Variants in KDM1A observed in about 807,000 individuals in gnomAD.
The protein encoded by KDM1A is lysine-specific histone demethylase 1A.
A neutral mutation model predicts 109.4 loss-of-function variants in KDM1A; 49 were observed. The ratio of observed to expected loss-of-function variants is 0.45; its 90% confidence interval spans 0.36 to 0.57. KDM1A has a LOEUF of 0.57. Ranked by LOEUF, KDM1A falls within the 20% of genes least tolerant of loss-of-function variation. KDM1A has a pLI of 0.00. For missense variants in KDM1A, 668 were observed against 1,116.6 expected (o/e 0.60, Z 5.73); for synonymous variants, 380 against 415.4 (o/e 0.91, Z 1.04).
At chr1:23,064,575 T>C (rs1307492504) in intron 9 of KDM1A, among the ~76,000 whole-genome samples, 1 of 152,206 alleles carries the variant, frequency 6.6e-6, no homozygotes, top group Non-Finnish European at 1.5e-5. Flanking sequence ...GTAAGATAGG[T>C]GTACAATGTT....
intron 9 of KDM1A, among the ~76,000 whole-genome samples, chr1:23,059,998 C>T (rs1642954473): frequency 6.6e-6 from 1 of 152,190 alleles, no homozygotes; most frequent in Non-Finnish European, 1.5e-5. Flanking sequence ...CTCACTTACT[C>T]CTATCTACCT....
chr1:23,056,993 T>G (rs1449185401), intron 7 of KDM1A, among the ~76,000 whole-genome samples: 1 of 151,898 alleles, frequency 6.6e-6, no homozygotes, highest in African/African-American at 2.4e-5. Flanking sequence ...GGCATGGGGG[T>G]GCACTGGAGA....
At chr1:23,069,880 C>T (rs543370969) in intron 12 of KDM1A, among the ~76,000 whole-genome samples, 2 of 152,340 alleles carry the variant, frequency 1.3e-5, no homozygotes, top group East Asian at 3.9e-4. Flanking sequence ...CTGCAAAGGT[C>T]GCATCAGCTT....
At chr1:23,027,890 A>G (rs1180939528) in intron 1 of KDM1A, among the ~76,000 whole-genome samples, 1 of 152,144 alleles carries the variant, frequency 6.6e-6, no homozygotes, top group East Asian at 1.9e-4. Context: ...TAACACATGA[A>G]TGTGTAATAC....
At position 23,053,781 on chromosome 1, in the gene KDM1A, T is replaced by C. The variant is rs1027201676; in HGVS notation, c.732T>C (p.Asn244=). The C allele has an allele frequency of 6.2e-7, 1 of 1,609,360 alleles. No individual in the cohort carries two copies. The highest frequency in any genetic ancestry group is 8.5e-7 in the Non-Finnish European group (1 of 1,175,862). Reference sequence around the variant, plus strand: ...TGCAGCTGCAGTTGTGGTTGGATAATCCAAAGATTCAGCTGACATTTGAGG... The same window carrying C: ...TGCAGCTGCAGTTGTGGTTGGATAACCCAAAGATTCAGCTGACATTTGAGG... ...RNRTLQLWLD[N]PKIQLTFEAT... is the part of the protein sequence containing the mutation. Residue 244 remains asparagine, a synonymous_variant, in exon 5 of 21, where the codon AAT becomes AAC. Transcript: ENST00000400181.
chr1:23,019,965 C>G lies in KDM1A; in HGVS notation c.351+18C>G, dbSNP rs991598718. 11 of 1,504,136 alleles carry G rather than the reference C, an allele frequency of 7.3e-6. No homozygotes were observed. In the East Asian group the frequency reaches 2.5e-4, roughly 34 times the overall value. The allele number at this position is 1,504,136 out of a possible 1,614,324, so 93.2% of individuals were successfully genotyped here. A position where few individuals can be genotyped will look rare whatever the true frequency, so the allele number is the denominator to read the frequency against. ...GGGCGAAGGTAAGGCTCGACCCTTC[C>G]CTCAAACGACACCGCCTGGTGCCGA... On this transcript the variant is annotated intron_variant, in intron 1 of 20. Coordinates refer to ENST00000400181, the MANE Select transcript of KDM1A (RefSeq NM_001009999.3).
intron 12 of KDM1A, among the ~76,000 whole-genome samples, chr1:23,070,371 T>C (rs1643282277): frequency 6.6e-6 from 1 of 151,990 alleles, no homozygotes; most frequent in Non-Finnish European, 1.5e-5. Context: ...CTCAGGAGGC[T>C]GAGGCATGAG....
chr1:23,077,860 C>T (rs1310743601), intron 16 of KDM1A, among the ~76,000 whole-genome samples: 6 of 152,178 alleles, frequency 3.9e-5, no homozygotes, highest in Admixed American at 1.3e-4. Context: ...GGCTAATTCG[C>T]TTACGTTTGG....
At chr1:23,066,603 T>G (rs1643167028) in intron 10 of KDM1A, among the ~76,000 whole-genome samples, 1 of 152,238 alleles carries the variant, frequency 6.6e-6, no homozygotes, top group African/African-American at 2.4e-5. Flanking sequence ...GAGGCATATG[T>G]GATCTAGTAG....
chr1:23,073,414 C>T lies in KDM1A; in HGVS notation c.1734+11C>T, dbSNP rs764688177. ...AAGCACTGGGATCAGGTAAGTTTCCCTTATTGTTTATTTTATTGCACATGC... is the reference window on the plus strand; with the variant it reads ...AAGCACTGGGATCAGGTAAGTTTCCTTTATTGTTTATTTTATTGCACATGC... On this transcript the variant is annotated intron_variant, in intron 15 of 20. Transcript: ENST00000400181. The T allele has an allele frequency of 7.0e-7, 1 of 1,420,436 alleles. No individual in the cohort carries two copies. The highest frequency in any genetic ancestry group is 9.9e-7 in the Non-Finnish European group (1 of 1,005,140). The allele number at this position is 1,420,436 out of a possible 1,614,324, so 88.0% of individuals were successfully genotyped here.
intron 9 of KDM1A, among the ~76,000 whole-genome samples, chr1:23,059,621 C>A (rs1408488288): frequency 6.6e-6 from 1 of 152,136 alleles, no homozygotes; most frequent in Non-Finnish European, 1.5e-5. Flanking sequence ...TACTCACATG[C>A]TTAGATAGGC....
At chr1:23,056,120 T>G in intron 7 of KDM1A, 82 bp downstream of exon 7, 1 of 928,822 alleles carries the variant, frequency 1.1e-6, no homozygotes, top group East Asian at 2.4e-5. Context: ...TAAAGAATTA[T>G]ACAACTTGAA....
chr1:23,020,069 C>G, intron 1 of KDM1A, 122 bp downstream of exon 1: 2 of 1,048,522 alleles, frequency 1.9e-6, no homozygotes, highest in Non-Finnish European at 2.5e-6. Context: ...CCCCTTGTAT[C>G]GCTGCGCACG....
intron 10 of KDM1A, among the ~76,000 whole-genome samples, chr1:23,067,776 G>A (rs1643199021): frequency 6.6e-6 from 1 of 152,304 alleles, no homozygotes; most frequent in South Asian, 2.1e-4. Context: ...TAGCAGAGGG[G>A]TGTTTGTAAA....
At position 23,021,164 on chromosome 1, in the gene KDM1A, A is replaced by T. The variant is rs1641616059; in HGVS notation, c.351+1217A>T. Among the ~76,000 whole-genome samples the T allele has an allele frequency of 2.0e-5, 3 of 152,308 alleles. No individual in the cohort carries two copies. In the South Asian group the frequency reaches 6.2e-4, roughly 32 times the overall value. On this transcript the variant is annotated intron_variant, in intron 1 of 20. Coordinates refer to ENST00000400181, the MANE Select transcript of KDM1A (RefSeq NM_001009999.3). The stretch of plus-strand genomic sequence containing the variant: ...TCATATTTATCTGCCTACTTGAGCC[A>T]ACTCTCTAAAGTATAACCAGTGCTG...
At chr1:23,071,799 AC>A (rs1423593459) in intron 13 of KDM1A, among the ~76,000 whole-genome samples, 1 of 152,192 alleles carries the variant, frequency 6.6e-6, no homozygotes, top group Non-Finnish European at 1.5e-5. Flanking sequence ...TAAAGTGCTT[AC>A]CCAGTGCCAG....
chr1:23,083,082 TA>T, intron 20 of KDM1A, 96 bp from the exon 21 acceptor site: 1 of 1,189,726 alleles, frequency 8.4e-7, no homozygotes, highest in Non-Finnish European at 1.2e-6. Context: ...GGTCAGCCTT[TA>T]AAAAGGTCAA....
intron 2 of KDM1A, among the ~76,000 whole-genome samples, chr1:23,038,728 A>G (rs1031143264): frequency 6.6e-6 from 1 of 152,202 alleles, no homozygotes; most frequent in Non-Finnish European, 1.5e-5. Flanking sequence ...CTTCAAGCAC[A>G]TATCTGTGGT....
chr1:23,048,615 C>T (rs10753552), intron 3 of KDM1A, among the ~76,000 whole-genome samples: 113,793 of 152,012 alleles, frequency 0.75, 43,460 homozygotes, highest in Non-Finnish European at 0.83. Flanking sequence ...TAATGTGTGG[C>T]CCATGATTGG....
Sources: gnomAD v4.1 joint callset for allele counts (sites outside exome capture counted in the v4.1 genomes callset) on GRCh38, gnomAD v4.1.1 for gene constraint, MANE v1.5 for transcripts, NCBI Gene and HGNC (gene_info 2026-07-23, HGNC 2026-07-21) for gene names.